The following MAP3K12 variants were observed in gnomAD, a reference collection of about 807,000 sequenced individuals.
The protein encoded by MAP3K12 is MAPK-upstream kinase.
Under a neutral mutation model 87.5 loss-of-function variants are expected in MAP3K12, and 14 were observed. The observed-to-expected ratio is 0.16, with a 90% CI of 0.11 to 0.25. MAP3K12 has a LOEUF of 0.25. Among genes scored for constraint, MAP3K12 ranks in the 10% least tolerant of loss-of-function variants. MAP3K12 has a pLI of 1.00. For missense variants in MAP3K12, 802 were observed against 1,140.4 expected (o/e 0.70, Z 4.27); for synonymous variants, 469 against 452.5 (o/e 1.04, Z -0.46).
rs377131155 is a variant in MAP3K12, at chr12:53,482,424, A to G, written c.2239-55T>C. ...GATTAGAAGTGGAAAGAGGTCACTA[A>G]GAATCCAGGAGAAGGGAACATAGTT... On this transcript the variant is annotated intron_variant, in intron 11 of 13. Coordinates refer to ENST00000547488, the MANE Select transcript of MAP3K12 (RefSeq NM_001193511.2). 237 of 1,608,240 alleles carry G rather than the reference A, an allele frequency of 1.5e-4. No homozygotes were observed. The African/African-American group carries it at 2.8e-3, about 19-fold the overall frequency.
chr12:53,489,707 TAGATGA>T (rs1943348907), intron 1 of MAP3K12, among the ~76,000 whole-genome samples: 1 of 152,134 alleles, frequency 6.6e-6, no homozygotes, highest in Non-Finnish European at 1.5e-5. Context: ...AAGGGTTCAG[TAGATGA>T]TTACACAGGC....
At chr12:53,491,287 C>CAAAAAAAAAAAAAAAAA (rs780256956) in intron 1 of MAP3K12, among the ~76,000 whole-genome samples, 3 of 52,846 alleles carry the variant, frequency 5.7e-5, no homozygotes, top group Non-Finnish European at 1.1e-4. Flanking sequence ...GACTCTGTCT[C>CAAAAAAAAAAAAAAAAA]AAAAAAAAAA....
At chr12:53,490,211 C>T (rs539199376) in intron 1 of MAP3K12, among the ~76,000 whole-genome samples, 19 of 150,840 alleles carry the variant, frequency 1.3e-4, no homozygotes, top group Non-Finnish European at 2.2e-4. Flanking sequence ...GGCTGAGGCA[C>T]GAGAATTGCT....
chr12:53,493,792 C>G (rs1015768440), intron 1 of MAP3K12: 1 of 152,198 alleles, frequency 6.6e-6, no homozygotes, highest in Non-Finnish European at 1.5e-5. Flanking sequence ...GAGACACTTG[C>G]AGCCAGCCGA....
In MAP3K12 at chr12:53,485,352, G is replaced by C; in HGVS notation, c.945C>G (p.Ile315Met). 1.2e-6 allele frequency: 2 copies of C among 1,614,164 alleles called. No individual in the cohort carries two copies. Among genetic ancestry groups the C allele is most frequent in the Non-Finnish European group, 8.5e-7 (1 of 1,180,030 alleles). ...GTVAWMAPEV[I>M]RNEPVSEKVD... ...CCTTCTCAGACACAGGTTCATTGCG[G>C]ATCACCTCAGGGGCCATCCAGGCTA... Residue 315 changes from isoleucine to methionine, a missense_variant, in exon 5 of 14, where the codon ATC (isoleucine) becomes ATG (methionine). Physicochemically the swap from Ile to Met is conservative, Grantham distance 10 (BLOSUM62 1). Coordinates refer to ENST00000547488, the MANE Select transcript of MAP3K12 (RefSeq NM_001193511.2).
intron 6 of MAP3K12, 51 bp downstream of exon 6, chr12:53,485,005 C>T (rs764566985): frequency 6.0e-5 from 97 of 1,609,378 alleles, no homozygotes; most frequent in Admixed American, 1.7e-4. Flanking sequence ...CCAGTACTAC[C>T]GTGCTTCTCA....
In MAP3K12 at chr12:53,481,158, A is replaced by C. The variant is rs763809039; in HGVS notation, c.*24T>G. ...ATATAATTTATATAAATATTTCTCT[A>C]TGTACAAGGAATACGAGTGGCTTTC... is the stretch of plus-strand genomic sequence containing the variant. On this transcript the variant is annotated 3_prime_UTR_variant, in exon 14 of 14. Coordinates refer to ENST00000547488, the MANE Select transcript of MAP3K12 (RefSeq NM_001193511.2). The C allele has an allele frequency of 2.5e-6, 3 of 1,189,494 alleles. No individual in the cohort carries two copies. Among genetic ancestry groups the C allele is most frequent in the Non-Finnish European group, 3.3e-6 (3 of 899,618 alleles). 73.7% of individuals were successfully genotyped at this position (1,189,494 alleles called of 1,614,324 possible). A position where few individuals can be genotyped will look rare whatever the true frequency, so the allele number is the denominator to read the frequency against.
rs1448345954 is a variant in MAP3K12, at chr12:53,482,218, G to T, written c.2310-7C>A. The T allele has an allele frequency of 6.2e-7, 1 of 1,614,158 alleles. No individual in the cohort carries two copies. Among genetic ancestry groups the T allele is most frequent in the Non-Finnish European group, 8.5e-7 (1 of 1,179,994 alleles). On this transcript the variant is annotated splice_polypyrimidine_tract_variant and splice_region_variant and intron_variant, in intron 12 of 13. Coordinates refer to ENST00000547488, the MANE Select transcript of MAP3K12 (RefSeq NM_001193511.2). ...GTTCAGGCTCTGAGGCCACCTACATGTTGAAGAGGGGGATTACAGCTTGGT... is the reference window on the plus strand; with the variant it reads ...GTTCAGGCTCTGAGGCCACCTACATTTTGAAGAGGGGGATTACAGCTTGGT...
In MAP3K12 at chr12:53,483,112, G is replaced by C; in HGVS notation, c.1691C>G (p.Pro564Arg). ...CCGTCCTGGTGAGGGGGGGCCCTTA[G>C]GACACCCAGGAAGCCCCACCCCACT... ...ALSGVGLPGC[P>R]KGPPSPGRSR... Residue 564 changes from proline to arginine, a missense_variant, in exon 11 of 14, where the codon CCT becomes CGT. Pro to Arg is a moderately radical substitution (Grantham distance 103, BLOSUM62 -2). Transcript: ENST00000547488. The C allele has an allele frequency of 2.0e-6, 3 of 1,522,234 alleles. No homozygotes were observed. In the South Asian group the frequency reaches 4.0e-5, roughly 20 times the overall value. The allele number at this position is 1,522,234 out of a possible 1,614,324, so 94.3% of individuals were successfully genotyped here. A position where few individuals can be genotyped will look rare whatever the true frequency, so the allele number is the denominator to read the frequency against.
At chr12:53,492,348 C>G (rs906899244) in intron 1 of MAP3K12, among the ~76,000 whole-genome samples, 1 of 152,158 alleles carries the variant, frequency 6.6e-6, no homozygotes, top group Non-Finnish European at 1.5e-5. Flanking sequence ...CACAAGGGAA[C>G]CATGGCTTGC....
At chr12:53,499,652 G>C (rs1323383174), upstream of MAP3K12, 2 of 113,748 alleles carry the variant, frequency 1.8e-5, no homozygotes, top group East Asian at 2.9e-4. Flanking sequence ...GTCCCTGCTC[G>C]GCTTGAACTC....
intron 1 of MAP3K12, 100 bp from the exon 2 acceptor site, chr12:53,487,528 A>T: frequency 8.2e-7 from 1 of 1,219,602 alleles, no homozygotes; most frequent in South Asian, 1.6e-5. Context: ...CTGGGTTCAC[A>T]GTAGCCCCGC....
At chr12:53,485,679 C>T (rs559755693) in intron 4 of MAP3K12, 2 of 593,472 alleles carry the variant, frequency 3.4e-6, no homozygotes, top group South Asian at 4.0e-5. Flanking sequence ...CCTCAGCCTC[C>T]TGAGTAGCTG....
At chr12:53,495,250 A>T (rs530908965) in intron 1 of MAP3K12, among the ~76,000 whole-genome samples, 2 of 145,506 alleles carry the variant, frequency 1.4e-5, no homozygotes, top group South Asian at 4.5e-4. Context: ...GAGGCAGGAG[A>T]ATGGCGTGAA....
upstream of MAP3K12, chr12:53,501,527 G>GT: frequency 6.5e-7 from 1 of 1,547,548 alleles, no homozygotes; most frequent in Non-Finnish European, 8.7e-7. Flanking sequence ...GAGTAGCGGC[G>GT]CGGCCCCAGC....
intron 1 of MAP3K12, among the ~76,000 whole-genome samples, chr12:53,495,690 G>A (rs1019515023): frequency 3.3e-5 from 5 of 152,060 alleles, no homozygotes; most frequent in African/African-American, 1.2e-4. Flanking sequence ...GTGCCCTGCA[G>A]CTTGTTTTTA....
chr12:53,495,720 C>T (rs903657285), intron 1 of MAP3K12, among the ~76,000 whole-genome samples: 27 of 152,022 alleles, frequency 1.8e-4, no homozygotes, highest in Admixed American at 1.1e-3. Context: ...TTTCAGGATC[C>T]GCAGTCCTGG....
chr12:53,487,386 A>G lies in MAP3K12; in HGVS notation c.6T>C (p.Ala2=), dbSNP rs1320802798. The G allele has an allele frequency of 1.9e-6, 3 of 1,609,568 alleles. No individual in the cohort carries two copies. The Admixed American group carries it at 5.0e-5, about 27-fold the overall frequency. M[A]CLHETRTPSP... ...AGGGTGTTCGGGTCTCATGGAGGCAAGCCATCGCCTCTGGCCCCTGGTATG... is the reference window on the plus strand; with the variant it reads ...AGGGTGTTCGGGTCTCATGGAGGCAGGCCATCGCCTCTGGCCCCTGGTATG... Residue 2 remains alanine, a synonymous_variant, in exon 2 of 14, where the codon GCT becomes GCC. Coordinates refer to ENST00000547488, the MANE Select transcript of MAP3K12 (RefSeq NM_001193511.2).
intron 1 of MAP3K12, among the ~76,000 whole-genome samples, chr12:53,493,516 A>C (rs1943472759): frequency 6.6e-6 from 1 of 152,090 alleles, no homozygotes. Flanking sequence ...AGGAGGAAGG[A>C]GCTGAGACAT....
Sources: gnomAD v4.1 joint callset for allele counts (sites outside exome capture counted in the v4.1 genomes callset) on GRCh38, gnomAD v4.1.1 for gene constraint, MANE v1.5 for transcripts, NCBI Gene and HGNC (gene_info 2026-07-23, HGNC 2026-07-21) for gene names.